LRRC4C: variants seen among roughly 807,000 people sequenced by gnomAD.
The protein encoded by LRRC4C is leucine rich repeat containing 4C, also known as leucine-rich repeat-containing protein 4C.
In LRRC4C, 5 loss-of-function variants were observed where a neutral mutation model predicts 33.6. That is an observed-to-expected ratio of 0.15 (90% CI 0.08 to 0.31). LRRC4C has a LOEUF of 0.31. Among genes scored for constraint, LRRC4C ranks in the 10% least tolerant of loss-of-function variants. LRRC4C has a pLI of 1.00. For missense variants in LRRC4C, 560 were observed against 796.7 expected (o/e 0.70, Z 3.58); for synonymous variants, 329 against 302.0 (o/e 1.09, Z -0.93).
chr11:40,353,150 T>C (rs537799505), intron 3 of LRRC4C, among the ~76,000 whole-genome samples: 1 of 152,174 alleles, frequency 6.6e-6, no homozygotes, highest in Non-Finnish European at 1.5e-5. Context: ...TTATTATTCC[T>C]TCAAATAAAC....
intron 2 of LRRC4C, among the ~76,000 whole-genome samples, chr11:40,912,737 A>C (rs1187541624): frequency 6.6e-6 from 1 of 152,186 alleles, no homozygotes; most frequent in African/African-American, 2.4e-5. Flanking sequence ...CTCCAATTAA[A>C]AGACACAGAC....
At chr11:41,260,265 A>G (rs1049233538) in intron 1 of LRRC4C, among the ~76,000 whole-genome samples, 2 of 152,068 alleles carry the variant, frequency 1.3e-5, no homozygotes, top group Non-Finnish European at 2.9e-5. Context: ...AACTCACAAA[A>G]GTTTACAAGA....
intron 2 of LRRC4C, among the ~76,000 whole-genome samples, chr11:40,816,288 C>A (rs898674689): frequency 2.0e-5 from 3 of 152,144 alleles, no homozygotes; most frequent in Non-Finnish European, 4.4e-5. Flanking sequence ...ATCTGTGTGC[C>A]AACAGATTGC....
At chr11:40,531,377 A>G (rs1470712309) in intron 3 of LRRC4C, among the ~76,000 whole-genome samples, 1 of 152,080 alleles carries the variant, frequency 6.6e-6, no homozygotes, top group African/African-American at 2.4e-5. Flanking sequence ...ACGTCAAGAG[A>G]GTCGAATTCA....
At chr11:41,298,298 G>C (rs1272343142) in intron 1 of LRRC4C, among the ~76,000 whole-genome samples, 1 of 152,118 alleles carries the variant, frequency 6.6e-6, no homozygotes, top group Admixed American at 6.5e-5. Flanking sequence ...CTCTCTCCTA[G>C]CAAGGCCTTG....
chr11:40,384,172 T>G (rs1196566693), intron 3 of LRRC4C, among the ~76,000 whole-genome samples: 1 of 152,042 alleles, frequency 6.6e-6, no homozygotes, highest in Admixed American at 6.6e-5. Context: ...ATCATTGTAT[T>G]GTATGATTTT....
chr11:40,839,413 T>C (rs1038141895), intron 2 of LRRC4C, among the ~76,000 whole-genome samples: 55 of 152,152 alleles, frequency 3.6e-4, no homozygotes, highest in African/African-American at 1.3e-3. Context: ...GCCTGGCTAA[T>C]TTTTGTATTT....
chr11:40,990,236 T>G lies in LRRC4C; in HGVS notation c.-495-56513A>C, dbSNP rs1190271359. The stretch of plus-strand genomic sequence containing the variant: ...TTTGAATAGTATGTCAAGTTTTATA[T>G]ATATATATATATATATATATATATA... On this transcript the variant is annotated intron_variant, in intron 1 of 6. Coordinates refer to ENST00000528697, the MANE Select transcript of LRRC4C (RefSeq NM_001258419.2). 4.5e-3 allele frequency among the ~76,000 whole-genome samples: 219 copies of G among 48,668 alleles called. 3 individuals carry two copies. Among genetic ancestry groups the G allele is most frequent in the African/African-American group, 0.021 (213 of 10,222 alleles). 31.9% of individuals were successfully genotyped at this position (48,668 alleles called of 152,430 possible).
chr11:40,714,813 A>AT (rs1286607539), intron 2 of LRRC4C, among the ~76,000 whole-genome samples: 4 of 152,208 alleles, frequency 2.6e-5, no homozygotes, highest in African/African-American at 4.8e-5. Flanking sequence ...CTAACCTGGT[A>AT]TTTTTCTGGT....
At chr11:40,247,456 T>C (rs1866434295) in intron 4 of LRRC4C, among the ~76,000 whole-genome samples, 1 of 152,188 alleles carries the variant, frequency 6.6e-6, no homozygotes, top group African/African-American at 2.4e-5. Context: ...TGAGAACTTA[T>C]TCAAGCCAAG....
chr11:41,328,247 G>A (rs1052620572), intron 1 of LRRC4C, among the ~76,000 whole-genome samples: 1 of 152,162 alleles, frequency 6.6e-6, no homozygotes, highest in Admixed American at 6.5e-5. Context: ...CACTGCAAAG[G>A]CAGTAAAAAT....
At chr11:40,245,373 C>T (rs774194446) in intron 4 of LRRC4C, among the ~76,000 whole-genome samples, 1 of 152,098 alleles carries the variant, frequency 6.6e-6, no homozygotes, top group African/African-American at 2.4e-5. Flanking sequence ...ACAATAAAAA[C>T]CATGGCTTAT....
At chr11:40,442,867 T>C (rs1010503707) in intron 3 of LRRC4C, among the ~76,000 whole-genome samples, 2 of 152,206 alleles carry the variant, frequency 1.3e-5, no homozygotes, top group African/African-American at 4.8e-5. Flanking sequence ...CAGTATATGT[T>C]TCAGCAAAAA....
intron 3 of LRRC4C, among the ~76,000 whole-genome samples, chr11:40,486,855 G>A (rs191081739): frequency 1.3e-5 from 2 of 152,050 alleles, no homozygotes; most frequent in Admixed American, 1.3e-4. Flanking sequence ...CTAAGGAGAA[G>A]TGAAATCTTG....
chr11:41,071,237 C>G (rs1044025843), intron 1 of LRRC4C, among the ~76,000 whole-genome samples: 2 of 151,876 alleles, frequency 1.3e-5, no homozygotes, highest in Non-Finnish European at 2.9e-5. Flanking sequence ...CAACACACAC[C>G]AGGGCCTATT....
At chr11:40,813,846 A>C (rs1352554336) in intron 2 of LRRC4C, among the ~76,000 whole-genome samples, 1 of 152,182 alleles carries the variant, frequency 6.6e-6, no homozygotes, top group Admixed American at 6.5e-5. Flanking sequence ...TTAAACCTTA[A>C]TAATGTTCCA....
At chr11:40,264,597 A>G (rs1162873645) in intron 4 of LRRC4C, among the ~76,000 whole-genome samples, 2 of 152,210 alleles carry the variant, frequency 1.3e-5, no homozygotes, top group Non-Finnish European at 2.9e-5. Context: ...GATGAATATA[A>G]CTAGGCTGTC....
chr11:40,685,106 T>G (rs1333836049), intron 2 of LRRC4C, among the ~76,000 whole-genome samples: 4 of 151,942 alleles, frequency 2.6e-5, no homozygotes, highest in Admixed American at 2.6e-4. Flanking sequence ...ACTAAAACAG[T>G]GAAATAGCAT....
intron 3 of LRRC4C, among the ~76,000 whole-genome samples, chr11:40,634,862 A>G (rs1009593684): frequency 2.6e-5 from 4 of 152,192 alleles, no homozygotes; most frequent in Non-Finnish European, 4.4e-5. Context: ...TGTTCTCCTG[A>G]CTGGGCAACA....
Sources: gnomAD v4.1 joint callset for allele counts (sites outside exome capture counted in the v4.1 genomes callset) on GRCh38, gnomAD v4.1.1 for gene constraint, MANE v1.5 for transcripts, NCBI Gene and HGNC (gene_info 2026-07-23, HGNC 2026-07-21) for gene names.